The following SUCLG2 variants were observed in gnomAD, a reference collection of about 807,000 sequenced individuals.
SUCLG2 encodes the protein succinate-CoA ligase GDP-forming subunit beta.
SUCLG2 carries 42 observed loss-of-function variants against 47.9 expected under a neutral mutation model. The observed-to-expected ratio is 0.88, with a 90% CI of 0.69 to 1.14. The LOEUF (loss-of-function observed/expected upper bound fraction) is 1.14. SUCLG2 is among the 50% of genes most tolerant of loss of function. SUCLG2 has a pLI of 0.00. For missense variants in SUCLG2, 571 were observed against 525.9 expected (o/e 1.09, Z -0.84); for synonymous variants, 195 against 197.3 (o/e 0.99, Z 0.10).
At chr3:67,552,720 A>G (rs1707050256) in intron 2 of SUCLG2, among the ~76,000 whole-genome samples, 1 of 152,216 alleles carries the variant, frequency 6.6e-6, no homozygotes, top group South Asian at 2.1e-4. Flanking sequence ...AACAATAAAT[A>G]TCTCATGGTT....
intron 10 of SUCLG2, among the ~76,000 whole-genome samples, chr3:67,363,993 A>G (rs1033579209): frequency 6.6e-6 from 1 of 152,200 alleles, no homozygotes; most frequent in Non-Finnish European, 1.5e-5. Context: ...AACTGGAGAA[A>G]TGCCAATGGG....
At chr3:67,395,600 TAGAC>T (rs1481430010) in intron 10 of SUCLG2, among the ~76,000 whole-genome samples, 2 of 152,134 alleles carry the variant, frequency 1.3e-5, no homozygotes, top group African/African-American at 4.8e-5. Context: ...CTGTCAACAT[TAGAC>T]AGATCAATGA....
intron 2 of SUCLG2, among the ~76,000 whole-genome samples, chr3:67,540,424 C>T (rs1375549683): frequency 2.0e-5 from 3 of 152,092 alleles, no homozygotes; most frequent in Non-Finnish European, 4.4e-5. Flanking sequence ...ATAAACAAAG[C>T]TGCTTGGAAG....
intron 10 of SUCLG2, among the ~76,000 whole-genome samples, chr3:67,399,781 G>A (rs942332884): frequency 5.9e-5 from 9 of 152,134 alleles, no homozygotes; most frequent in Non-Finnish European, 1.2e-4. Context: ...AAAGTTCATC[G>A]AGATAGTTCC....
rs988278746 is a variant in SUCLG2 at position 67,493,811 on chromosome 3, G to A, written c.1062+1987C>T. On this transcript the variant is annotated intron_variant, in intron 9 of 10. Coordinates refer to ENST00000307227, the MANE Select transcript of SUCLG2 (RefSeq NM_003848.4). Reference sequence around the variant, plus strand: ...AAAATGATTCTTCCCTTAGAAAGCAGTAGGAAGAAAGAATAAGTGAATTAA... The same window carrying A: ...AAAATGATTCTTCCCTTAGAAAGCAATAGGAAGAAAGAATAAGTGAATTAA... Among the ~76,000 whole-genome samples, 8 of 152,334 alleles carry A rather than the reference G, an allele frequency of 5.3e-5. No individual in the cohort carries two copies. The South Asian group carries it at 1.7e-3, about 32-fold the overall frequency.
intron 1 of SUCLG2, among the ~76,000 whole-genome samples, chr3:67,611,998 A>C (rs1460998881): frequency 6.6e-6 from 1 of 152,218 alleles, no homozygotes; most frequent in African/African-American, 2.4e-5. Context: ...TTGTCAATCC[A>C]AAACTTGGAA....
At chr3:67,610,844 C>T (rs1487509960) in intron 1 of SUCLG2, among the ~76,000 whole-genome samples, 2 of 152,134 alleles carry the variant, frequency 1.3e-5, no homozygotes, top group Non-Finnish European at 2.9e-5. Context: ...TTCTGGTATC[C>T]CCAAGCTATG....
At chr3:67,456,402 GA>G (rs1704187120) in intron 9 of SUCLG2, among the ~76,000 whole-genome samples, 1 of 152,160 alleles carries the variant, frequency 6.6e-6, no homozygotes, top group Non-Finnish European at 1.5e-5. Flanking sequence ...AAATGTAACT[GA>G]AAAACATGTT....
chr3:67,411,482 T>C (rs1430479246), intron 9 of SUCLG2, among the ~76,000 whole-genome samples: 1 of 152,162 alleles, frequency 6.6e-6, no homozygotes, highest in East Asian at 1.9e-4. Context: ...AAAACCCTAG[T>C]GGATAAATAT....
At chr3:67,487,848 AT>A (rs1330240194) in intron 9 of SUCLG2, among the ~76,000 whole-genome samples, 2 of 152,290 alleles carry the variant, frequency 1.3e-5, no homozygotes, top group East Asian at 3.9e-4. Context: ...TCTTATATGA[AT>A]AATCCCAGCT....
chr3:67,594,727 T>C (rs1404817014), intron 2 of SUCLG2, among the ~76,000 whole-genome samples: 2 of 152,220 alleles, frequency 1.3e-5, no homozygotes, highest in East Asian at 3.8e-4. Flanking sequence ...TCCCTTAGCC[T>C]GGTACCTTCT....
chr3:67,388,966 T>C lies in SUCLG2; in HGVS notation c.1183+11765A>G, dbSNP rs779940633. 1.7e-4 allele frequency among the ~76,000 whole-genome samples: 26 copies of C among 151,990 alleles called. 1 individual carries two copies. Among genetic ancestry groups the C allele is most frequent in the Non-Finnish European group, 3.2e-4 (22 of 67,992 alleles). ...CATCATCCATACCTGAGAGTTGGTA[T>C]TGGGGTCGTAACAGAGGTAAAAACT... On this transcript the variant is annotated intron_variant, in intron 10 of 10. Transcript: ENST00000307227.
At chr3:67,484,473 T>C (rs1054527573) in intron 9 of SUCLG2, among the ~76,000 whole-genome samples, 9 of 152,240 alleles carry the variant, frequency 5.9e-5, no homozygotes, top group Non-Finnish European at 1.5e-5. Context: ...GCATCTACCA[T>C]GTTCTATGTA....
chr3:67,431,587 A>G (rs1703481589), intron 9 of SUCLG2, among the ~76,000 whole-genome samples: 1 of 152,208 alleles, frequency 6.6e-6, no homozygotes, highest in Non-Finnish European at 1.5e-5. Context: ...TGTCCTTTGT[A>G]GGGACATGGA....
chr3:67,509,020 T>G (rs373656769), intron 6 of SUCLG2, 117 bp from the exon 7 acceptor site: 32 of 707,708 alleles, frequency 4.5e-5, no homozygotes, highest in East Asian at 1.7e-4. Flanking sequence ...TTAGGTTTTC[T>G]GAAGGGAAAA....
At chr3:67,499,360 G>A (rs1014205150) in intron 7 of SUCLG2, among the ~76,000 whole-genome samples, 1 of 152,048 alleles carries the variant, frequency 6.6e-6, no homozygotes, top group Non-Finnish European at 1.5e-5. Context: ...CTTAAAACAA[G>A]GGCCATGCCC....
chr3:67,558,951 A>G (rs1707234002), intron 2 of SUCLG2, among the ~76,000 whole-genome samples: 2 of 152,316 alleles, frequency 1.3e-5, no homozygotes, highest in East Asian at 1.9e-4. Context: ...TCAAGACCCT[A>G]TTCAAGATAA....
chr3:67,590,828 C>T (rs1424393872), intron 2 of SUCLG2, among the ~76,000 whole-genome samples: 1 of 152,156 alleles, frequency 6.6e-6, no homozygotes, highest in Non-Finnish European at 1.5e-5. Context: ...GTACTCTTTA[C>T]ATTTCTTCTC....
rs1044555083 is a variant in SUCLG2, at chr3:67,464,678, T to C, written c.1062+31120A>G. 8.5e-5 allele frequency among the ~76,000 whole-genome samples: 13 copies of C among 152,226 alleles called. 1 individual carries two copies. Among genetic ancestry groups the C allele is most frequent in the Non-Finnish European group, 1.5e-5 (1 of 68,048 alleles). On this transcript the variant is annotated intron_variant, in intron 9 of 10. Transcript: ENST00000307227. The stretch of plus-strand genomic sequence containing the variant: ...GAACTGTCACAACGAGAAAATATTC[T>C]TATTAATCACATTTAGGCAAATTCC...
Sources: gnomAD v4.1 joint callset for allele counts (sites outside exome capture counted in the v4.1 genomes callset) on GRCh38, gnomAD v4.1.1 for gene constraint, MANE v1.5 for transcripts, NCBI Gene and HGNC (gene_info 2026-07-23, HGNC 2026-07-21) for gene names.